ANKRD44: variants seen among roughly 807,000 people sequenced by gnomAD.
ANKRD44 encodes the protein ankyrin repeat domain 44.
A neutral mutation model predicts 116.0 loss-of-function variants in ANKRD44; 35 were observed. That is an observed-to-expected ratio of 0.30 (90% confidence interval 0.23 to 0.40). The LOEUF (loss-of-function observed/expected upper bound fraction) is 0.40. ANKRD44 is among the 10% of genes least tolerant of loss of function. ANKRD44 has a pLI of 1.00. For missense variants in ANKRD44, 1,014 were observed against 1,242.6 expected (o/e 0.82, Z 2.77); for synonymous variants, 435 against 461.8 (o/e 0.94, Z 0.74).
intron 12 of ANKRD44, among the ~76,000 whole-genome samples, chr2:197,087,800 T>G (rs946116727): frequency 6.6e-6 from 1 of 152,072 alleles, no homozygotes; most frequent in East Asian, 1.9e-4. Flanking sequence ...CAGATCCAAC[T>G]TGTGTGGCTC....
At position 197,203,277 on chromosome 2, in the gene ANKRD44, T is replaced by C. The variant is rs927037923; in HGVS notation, c.28-16171A>G. On this transcript the variant is annotated intron_variant, in intron 1 of 27. Coordinates refer to ENST00000282272, the MANE Select transcript of ANKRD44 (RefSeq NM_001195144.2). The surrounding 1 kb of genome is among the most constrained non-coding windows in gnomAD (Gnocchi z 4.1). ...GGAAATTATTGAGCAAGTTATAATA[T>C]ATAAACCAAAAAAGATATACAAATG... is the stretch of plus-strand genomic sequence containing the variant. Among the ~76,000 whole-genome samples the C allele has an allele frequency of 6.6e-6, 1 of 152,098 alleles. No homozygotes were observed. The highest frequency in any genetic ancestry group is 1.5e-5 in the Non-Finnish European group (1 of 68,022).
At chr2:197,078,326 C>CACACACACAT (rs541823287) in intron 16 of ANKRD44, 3 of 291,668 alleles carry the variant, frequency 1.0e-5, no homozygotes, top group African/African-American at 6.7e-5. Flanking sequence ...CACACACACA[C>CACACACACAT]GCATACACAT....
At chr2:196,984,789 A>G (rs1386501545), downstream of ANKRD44, among the ~76,000 whole-genome samples, 3 of 152,216 alleles carry the variant, frequency 2.0e-5, no homozygotes, top group African/African-American at 7.2e-5. Context: ...ATGACTGGGA[A>G]GAAGGTGTAT....
intron 1 of ANKRD44, among the ~76,000 whole-genome samples, chr2:197,190,185 T>C (rs1389426565): frequency 6.6e-6 from 1 of 151,636 alleles, no homozygotes; most frequent in Non-Finnish European, 1.5e-5. Context: ...CCTAGGTACA[T>C]ATGCATACCT....
chr2:197,243,140 T>C (rs1278992450), intron 1 of ANKRD44, among the ~76,000 whole-genome samples: 1 of 152,170 alleles, frequency 6.6e-6, no homozygotes, highest in Non-Finnish European at 1.5e-5. Context: ...GAAAAGCTCT[T>C]TATTTAGAGG....
chr2:197,084,416 G>A (rs889117067), intron 13 of ANKRD44, among the ~76,000 whole-genome samples: 3 of 152,102 alleles, frequency 2.0e-5, no homozygotes, highest in Non-Finnish European at 2.9e-5. Context: ...TCTGTCTTGA[G>A]TTCTCATCAC....
chr2:197,058,488 G>A (rs1427188607), intron 16 of ANKRD44, among the ~76,000 whole-genome samples: 2 of 151,134 alleles, frequency 1.3e-5, no homozygotes, highest in African/African-American at 2.4e-5. Flanking sequence ...TATACAAGAT[G>A]AGGAAAAAAT....
At chr2:197,083,312 T>C (rs1185890765) in intron 14 of ANKRD44, 57 bp downstream of exon 14, 60 of 1,540,174 alleles carry the variant, frequency 3.9e-5, no homozygotes, top group Non-Finnish European at 5.0e-5. Context: ...TTAGCAATCC[T>C]TCCCCACCAC....
chr2:197,199,029 G>T (rs2081033444), intron 1 of ANKRD44: 1 of 152,144 alleles, frequency 6.6e-6, no homozygotes, highest in Admixed American at 6.6e-5. Flanking sequence ...CTCTCTTGTG[G>T]CTTGCCGAGC....
chr2:197,153,376 G>A (rs543094100), intron 2 of ANKRD44, among the ~76,000 whole-genome samples: 39 of 152,138 alleles, frequency 2.6e-4, no homozygotes, highest in Admixed American at 2.3e-3. Context: ...TGACAACCTA[G>A]GCCCAACTAC....
intron 2 of ANKRD44, among the ~76,000 whole-genome samples, chr2:197,177,872 G>A (rs1379694250): frequency 6.6e-6 from 1 of 152,120 alleles, no homozygotes; most frequent in African/African-American, 2.4e-5. Flanking sequence ...TACATATGCA[G>A]ATAAATACAA....
chr2:197,056,477 T>C (rs2077205792), intron 16 of ANKRD44, among the ~76,000 whole-genome samples: 1 of 152,170 alleles, frequency 6.6e-6, no homozygotes, highest in South Asian at 2.1e-4. Flanking sequence ...AAAATTGTAA[T>C]TTTTTGTAAG....
chr2:197,213,778 T>C (rs2081377943), intron 1 of ANKRD44, among the ~76,000 whole-genome samples: 1 of 152,228 alleles, frequency 6.6e-6, no homozygotes. Context: ...CAGGCAATTC[T>C]CACACTTTTA....
At chr2:197,007,099 A>T (rs2076215423) in intron 20 of ANKRD44, among the ~76,000 whole-genome samples, 1 of 145,100 alleles carries the variant, frequency 6.9e-6, no homozygotes, top group Admixed American at 6.9e-5. Context: ...GAGTGAGATT[A>T]AAAAAAAAAA....
At chr2:197,191,962 A>G (rs1175388738) in intron 1 of ANKRD44, among the ~76,000 whole-genome samples, 1 of 152,168 alleles carries the variant, frequency 6.6e-6, no homozygotes, top group Non-Finnish European at 1.5e-5. Context: ...AATTCCATGA[A>G]AAAAATATGC....
chr2:197,046,519 G>A (rs1266414700), intron 16 of ANKRD44, among the ~76,000 whole-genome samples: 3 of 151,670 alleles, frequency 2.0e-5, no homozygotes, highest in Non-Finnish European at 2.9e-5. Context: ...ATTCTCCCAG[G>A]AGCCTGTTGT....
At chr2:197,158,112 C>T (rs375987541) in intron 2 of ANKRD44, among the ~76,000 whole-genome samples, 38 of 152,218 alleles carry the variant, frequency 2.5e-4, no homozygotes, top group African/African-American at 8.4e-4. Flanking sequence ...TTGGTGCCAG[C>T]GAAACAGGAA....
intron 16 of ANKRD44, among the ~76,000 whole-genome samples, chr2:197,052,562 T>G (rs73049678): frequency 6.6e-6 from 1 of 152,096 alleles, no homozygotes; most frequent in African/African-American, 2.4e-5. Context: ...AGAAGACTCA[T>G]GTTCTGTTGG....
rs762612015 is a variant in ANKRD44 at position 197,069,430 on chromosome 2, C to G, written c.1650+9273G>C. 3.9e-5 allele frequency among the ~76,000 whole-genome samples: 6 copies of G among 152,192 alleles called. No individual in the cohort carries two copies. In the South Asian group the frequency reaches 8.3e-4, roughly 21 times the overall value. On this transcript the variant is annotated intron_variant, in intron 16 of 27. Transcript: ENST00000282272. ...AACCTGCACGTTGTGCACATGTACC[C>G]TAGAACTTAAAGTATAATAAAAAAA...
Sources: gnomAD v4.1 joint callset for allele counts (sites outside exome capture counted in the v4.1 genomes callset) on GRCh38, gnomAD v4.1.1 for gene constraint, Gnocchi (gnomAD v3.1) non-coding constraint, MANE v1.5 for transcripts, NCBI Gene and HGNC (gene_info 2026-07-23, HGNC 2026-07-21) for gene names.